The following MTFR1 variants were observed in gnomAD, a reference collection of about 807,000 sequenced individuals.
The protein encoded by MTFR1 is mitochondrial fission regulator 1.
A neutral mutation model predicts 38.8 loss-of-function variants in MTFR1; 28 were observed. That is an observed-to-expected ratio of 0.72 (90% CI 0.53 to 0.99). MTFR1 has a LOEUF of 0.99. MTFR1 is among the 50% of genes least tolerant of loss of function. The pLI, the probability that MTFR1 is intolerant of heterozygous loss-of-function variation, is 0.00. For synonymous variants in MTFR1, 145 were observed against 137.0 expected (o/e 1.06, Z -0.41); for missense variants, 358 against 395.5 (o/e 0.91, Z 0.81).
chr8:65,718,071 T>A (rs1806212918), intron 2 of MTFR1: 1 of 152,246 alleles, frequency 6.6e-6, no homozygotes, highest in Non-Finnish European at 1.5e-5. Context: ...CAATGCACTT[T>A]TTTCAAATCA....
chr8:65,760,681 T>C (rs1182943725), intron 3 of MTFR1, among the ~76,000 whole-genome samples: 3 of 152,216 alleles, frequency 2.0e-5, no homozygotes, highest in Non-Finnish European at 4.4e-5. Context: ...TTCTTCATGT[T>C]TACTCCACAC....
At chr8:65,771,584 GC>G (rs762160082), downstream of MTFR1, among the ~76,000 whole-genome samples, 5 of 152,030 alleles carry the variant, frequency 3.3e-5, no homozygotes, top group Non-Finnish European at 7.4e-5. Context: ...TCCTGGCTGG[GC>G]GCACGCAGTG....
intron 3 of MTFR1, chr8:65,724,473 T>C: frequency 1.6e-6 from 1 of 625,570 alleles, no homozygotes; most frequent in Non-Finnish European, 2.7e-6. Flanking sequence ...AATATAATTC[T>C]CCTATTTTTA....
At chr8:65,655,969 C>CATATA in intron 1 of MTFR1, among the ~76,000 whole-genome samples, 26 of 56,444 alleles carry the variant, frequency 4.6e-4, no homozygotes, top group African/African-American at 2.3e-3. Context: ...TATATATATA[C>CATATA]CATATATATA....
At chr8:65,713,678 T>C (rs1315507943), downstream of MTFR1, among the ~76,000 whole-genome samples, 1 of 152,158 alleles carries the variant, frequency 6.6e-6, no homozygotes, top group Non-Finnish European at 1.5e-5. Context: ...AGTAACTTTA[T>C]CGGTCATAGA....
intron 1 of MTFR1, among the ~76,000 whole-genome samples, chr8:65,650,420 C>T (rs1266371262): frequency 6.6e-6 from 1 of 152,096 alleles, no homozygotes; most frequent in African/African-American, 2.4e-5. Flanking sequence ...GATCCACCTT[C>T]CTTGGCCTCC....
the MTFR1 span, among the ~76,000 whole-genome samples, chr8:65,777,196 C>T: frequency 5.3e-5 from 8 of 151,046 alleles, no homozygotes; most frequent in Non-Finnish European, 7.4e-5. Context: ...TCTCCTGCCT[C>T]GGCCTCCCAA....
rs567496948 is a variant in MTFR1, at chr8:65,744,028, T to C, written c.*48+24547T>C. Among the ~76,000 whole-genome samples, 505 of 152,324 alleles carry C rather than the reference T, an allele frequency of 3.3e-3. 3 individuals carry two copies. The highest frequency in any genetic ancestry group is 0.02 in the South Asian group (95 of 4,832). ...TTGTATTTTTAGTAGAGATGGGGTT[T>C]TGCCATGTTGGCCAGGCTGGTCTTA... On this transcript the variant is annotated intron_variant, in intron 3 of 3. Coordinates refer to the MTFR1 transcript ENST00000521247.
chr8:65,708,202 A>T, intron 7 of MTFR1, 191 bp downstream of exon 7: 3 of 1,112,464 alleles, frequency 2.7e-6, no homozygotes, highest in East Asian at 5.2e-5. Context: ...TAGCATTTAC[A>T]CTTTTACTTT....
downstream of MTFR1, among the ~76,000 whole-genome samples, chr8:65,710,990 T>TATAG (rs920287067): frequency 6.7e-3 from 1,010 of 150,842 alleles, 10 homozygotes; most frequent in East Asian, 0.031. Context: ...TATATATATA[T>TATAG]AGAGAGAGAG....
chr8:65,753,395 T>C (rs1273123414), intron 3 of MTFR1, among the ~76,000 whole-genome samples: 3 of 152,208 alleles, frequency 2.0e-5, no homozygotes, highest in Non-Finnish European at 1.5e-5. Flanking sequence ...ATGCCTCTGC[T>C]ATTTCTCTAA....
chr8:65,652,542 T>C (rs918725543), intron 1 of MTFR1, among the ~76,000 whole-genome samples: 16 of 152,202 alleles, frequency 1.1e-4, no homozygotes, highest in African/African-American at 3.9e-4. Flanking sequence ...CCTCTTAAAT[T>C]GCTTTTGAGT....
intron 3 of MTFR1, among the ~76,000 whole-genome samples, chr8:65,750,804 T>TA (rs200469728): frequency 5.8e-4 from 87 of 149,264 alleles, no homozygotes; most frequent in African/African-American, 1.2e-3. Flanking sequence ...TCCTTAACTG[T>TA]AAAAAAAAAA....
chr8:65,735,737 C>T (rs1269075399), intron 3 of MTFR1, among the ~76,000 whole-genome samples: 17 of 152,212 alleles, frequency 1.1e-4, no homozygotes, highest in Admixed American at 9.8e-4. Context: ...GTGATCCTCC[C>T]GCCTCAGCCA....
upstream of MTFR1, among the ~76,000 whole-genome samples, chr8:65,644,143 C>T (rs937543134): frequency 3.9e-5 from 6 of 152,182 alleles, no homozygotes; most frequent in Non-Finnish European, 8.8e-5. Flanking sequence ...TATTTGAAAT[C>T]CAGAGTGTCC....
intron 1 of MTFR1, among the ~76,000 whole-genome samples, chr8:65,668,117 C>T (rs762842031): frequency 3.3e-5 from 5 of 151,842 alleles, no homozygotes; most frequent in Non-Finnish European, 7.4e-5. Flanking sequence ...TGTAAATCAA[C>T]TATGGCATAC....
At chr8:65,766,538 GC>G (rs1808794216) in intron 3 of MTFR1, among the ~76,000 whole-genome samples, 1 of 152,206 alleles carries the variant, frequency 6.6e-6, no homozygotes, top group African/African-American at 2.4e-5. Context: ...GAGCAAGGGA[GC>G]CTGTTAGAAC....
intron 3 of MTFR1, among the ~76,000 whole-genome samples, chr8:65,688,913 G>A (rs996156842): frequency 1.3e-5 from 2 of 152,034 alleles, no homozygotes; most frequent in African/African-American, 2.4e-5. Context: ...GGGAGGCTGA[G>A]GCGGGTGGAT....
chr8:65,666,601 A>G (rs1181787685), intron 1 of MTFR1, among the ~76,000 whole-genome samples: 4 of 152,158 alleles, frequency 2.6e-5, no homozygotes, highest in Admixed American at 2.0e-4. Context: ...GCCCCTCTAC[A>G]AATAGAAGAT....
Sources: allele counts gnomAD v4.1 joint callset (sites outside exome capture counted in the v4.1 genomes callset), GRCh38; gene constraint gnomAD v4.1.1; transcripts MANE v1.5; gene names NCBI Gene and HGNC (gene_info 2026-07-23, HGNC 2026-07-21).